The following FRMPD3 variants were observed in gnomAD, a reference collection of about 807,000 sequenced individuals.
FRMPD3 encodes the protein FERM and PDZ domain-containing protein 3.
A neutral mutation model predicts 97.9 loss-of-function variants in FRMPD3; 42 were observed. The ratio of observed to expected loss-of-function variants is 0.43; its 90% CI spans 0.34 to 0.55. The LOEUF is 0.55. Among genes scored for constraint, FRMPD3 ranks in the 20% least tolerant of loss-of-function variants. The pLI is 0.03. For missense variants in FRMPD3, 1,303 were observed against 1,457.7 expected, an observed-to-expected ratio of 0.89 and a Z score of 1.73; for synonymous variants, 577 against 581.1, an observed-to-expected ratio of 0.99 and a Z score of 0.10.
At position 107,485,530 on chromosome X, in the gene FRMPD3, C is replaced by G. The variant is rs754441463; in HGVS notation, c.-8+35525C>G. On this transcript the variant is annotated intron_variant, in intron 1 of 14. Coordinates refer to ENST00000683843, the MANE Select transcript of FRMPD3 (RefSeq NM_001388459.1). ...TTTCTTCCTGGGTTTAATTGGCTTC[C>G]TAGGTTTTAAAAAGCACCTCAGTGC... is the stretch of plus-strand genomic sequence containing the variant. Among the ~76,000 whole-genome samples, 5 of 112,485 alleles carry G rather than the reference C, an allele frequency of 4.4e-5. No homozygotes were observed. In the South Asian group the frequency reaches 1.5e-3, roughly 33 times the overall value.
intron 4 of FRMPD3, among the ~76,000 whole-genome samples, chrX:107,535,646 C>A (rs1602784630): frequency 9.9e-6 from 1 of 100,675 alleles, no homozygotes; most frequent in African/African-American, 3.8e-5. Flanking sequence ...GCACTCCAGC[C>A]TGGGTGACAG....
At position 107,482,495 on chromosome X, in the gene FRMPD3, A is replaced by G. The variant is rs763033076; in HGVS notation, c.-8+32490A>G. ...GTCACCAGATTCTGCCTTGGGGCCC[A>G]TGTTTTTCTTCACCCCAGCCTCCAG... On this transcript the variant is annotated intron_variant, in intron 1 of 14. Coordinates refer to ENST00000683843, the MANE Select transcript of FRMPD3 (RefSeq NM_001388459.1). 4.5e-5 allele frequency among the ~76,000 whole-genome samples: 5 copies of G among 111,049 alleles called. No individual in the cohort carries two copies. In the South Asian group the frequency reaches 1.9e-3, roughly 43 times the overall value.
At chrX:107,466,377 C>T (rs1931563277) in intron 1 of FRMPD3, among the ~76,000 whole-genome samples, 1 of 112,498 alleles carries the variant, frequency 8.9e-6, no homozygotes, top group Non-Finnish European at 1.9e-5. Flanking sequence ...AGATTCTGTG[C>T]TCTCTGCACT....
Position 107,601,743 on chromosome X carries a change from G to A in FRMPD3, c.3704G>A (p.Arg1235Gln), listed in dbSNP as rs1248741228. Residue 1235 changes from arginine (R) to glutamine (Q), a missense_variant, in exon 15 of 15, where the codon CGG (arginine) becomes CAG (glutamine). Physicochemically the swap from Arg to Gln is conservative, Grantham distance 43. Transcript: ENST00000683843. ...PTRQKKETDE[R>Q]QAQLQKVKQY... ...CGCCAGAAGAAGGAGACAGATGAGC[G>A]GCAGGCCCAACTGCAGAAGGTAAAG... 1.7e-6 allele frequency: 2 copies of A among 1,211,080 alleles called. No homozygotes were observed. The highest frequency in any genetic ancestry group is 3.0e-5 in the East Asian group (1 of 33,855).
chrX:107,465,403 G>A (rs903013770), intron 1 of FRMPD3, among the ~76,000 whole-genome samples: 1 of 111,167 alleles, frequency 9.0e-6, no homozygotes, highest in Non-Finnish European at 1.9e-5. Context: ...CCCAGGAAGC[G>A]GAGGTTGCAG....
intron 1 of FRMPD3, among the ~76,000 whole-genome samples, chrX:107,502,578 G>A (rs1208318891): frequency 1.8e-5 from 2 of 111,019 alleles, no homozygotes; most frequent in African/African-American, 6.6e-5. Flanking sequence ...CCTTCATTCT[G>A]TGAAACAACC....
chrX:107,540,391 C>T (rs1921239000), intron 4 of FRMPD3, among the ~76,000 whole-genome samples: 1 of 112,109 alleles, frequency 8.9e-6, no homozygotes, highest in South Asian at 3.8e-4. Flanking sequence ...GGGGCCCTAT[C>T]TTGTTCTAAA....
At position 107,560,379 on chromosome X, in the gene FRMPD3, G is replaced by A. The variant is rs200404965; in HGVS notation, c.885G>A (p.Ser295=). The A allele has an allele frequency of 9.6e-4, 1,163 of 1,206,472 alleles. 5 individuals are homozygous for A. The highest frequency in any genetic ancestry group is 7.0e-4 in the Middle Eastern group (3 of 4,292). ...VSATRPSQKI[S]LKNVEKEWGL... is the part of the protein sequence containing the mutation. ...CCACTCGACCTAGTCAGAAGATCTC[G>A]CTCAAGAATGTGGAGTGAGTTGTGC... Residue 295 remains serine (S), a synonymous_variant, in exon 9 of 15, where the codon TCG becomes TCA. Transcript: ENST00000683843.
chrX:107,502,068 C>G (rs1446120289), intron 1 of FRMPD3, among the ~76,000 whole-genome samples: 1 of 110,736 alleles, frequency 9.0e-6, no homozygotes, highest in Non-Finnish European at 1.9e-5. Flanking sequence ...GGGAGCAGCA[C>G]TACACATTGA....
chrX:107,524,465 A>T (rs1922616483), intron 1 of FRMPD3, among the ~76,000 whole-genome samples: 1 of 112,169 alleles, frequency 8.9e-6, no homozygotes, highest in East Asian at 2.8e-4. Context: ...TGACAGACAG[A>T]CTCCAAGCCA....
intron 1 of FRMPD3, among the ~76,000 whole-genome samples, chrX:107,482,940 G>T (rs1318870544): frequency 1.8e-5 from 2 of 111,947 alleles, no homozygotes; most frequent in Admixed American, 9.4e-5. Flanking sequence ...CCCTCAAAAA[G>T]AAAAAGGCAT....
chrX:107,565,706 A>T (rs748985362), intron 12 of FRMPD3, among the ~76,000 whole-genome samples: 2 of 110,504 alleles, frequency 1.8e-5, no homozygotes, highest in Admixed American at 9.6e-5. Flanking sequence ...AAAAAAAAAA[A>T]TAAAATAAAT....
At chrX:107,512,069 A>ACACACT (rs941628496) in intron 1 of FRMPD3, among the ~76,000 whole-genome samples, 33 of 108,683 alleles carry the variant, frequency 3.0e-4, no homozygotes, top group African/African-American at 1.0e-3. Flanking sequence ...GCACACACAC[A>ACACACT]CACACTCACA....
intron 1 of FRMPD3, among the ~76,000 whole-genome samples, chrX:107,461,951 T>A (rs942383218): frequency 9.2e-6 from 1 of 108,927 alleles, no homozygotes; most frequent in Non-Finnish European, 1.9e-5. Context: ...GCAGTCATTT[T>A]TTTTTTCTTC....
At chrX:107,522,190 G>GA (rs1255251409) in intron 1 of FRMPD3, among the ~76,000 whole-genome samples, 1 of 111,277 alleles carries the variant, frequency 9.0e-6, no homozygotes, top group East Asian at 2.8e-4. Context: ...TCGGCTGTGT[G>GA]AAGCGGGTGA....
chrX:107,506,894 G>A (rs947180632), intron 1 of FRMPD3, among the ~76,000 whole-genome samples: 7 of 112,014 alleles, frequency 6.2e-5, no homozygotes, highest in Non-Finnish European at 1.3e-4. Context: ...AGACACCGCT[G>A]CTGCTACCTT....
chrX:107,543,931 G>A (rs1250027752), intron 4 of FRMPD3, among the ~76,000 whole-genome samples: 2 of 111,176 alleles, frequency 1.8e-5, no homozygotes, highest in African/African-American at 3.3e-5. Context: ...CATGTTCGTG[G>A]CAGCACTATT....
chrX:107,481,109 A>G (rs979214254), intron 1 of FRMPD3, among the ~76,000 whole-genome samples: 14 of 111,633 alleles, frequency 1.3e-4, no homozygotes, highest in Non-Finnish European at 2.3e-4. Flanking sequence ...TTGATAGCCC[A>G]AGCTTGGGTG....
intron 1 of FRMPD3, among the ~76,000 whole-genome samples, chrX:107,479,993 A>T (rs1251096225): frequency 1.9e-5 from 2 of 107,479 alleles, no homozygotes; most frequent in South Asian, 4.4e-4. Context: ...AGGCAGGAGG[A>T]TTGCTTGAAG....
Sources: gnomAD v4.1 joint callset for allele counts (sites outside exome capture counted in the v4.1 genomes callset) on GRCh38, gnomAD v4.1.1 for gene constraint, MANE v1.5 for transcripts, NCBI Gene and HGNC (gene_info 2026-07-23, HGNC 2026-07-21) for gene names.